Variants in COL12A1 observed in about 807,000 individuals in gnomAD.
The protein encoded by COL12A1 is collagen alpha-1(XII) chain.
COL12A1 carries 114 observed loss-of-function variants against 349.7 expected under a neutral mutation model. That is an observed-to-expected ratio of 0.33 (90% CI 0.28 to 0.38). COL12A1 has a LOEUF of 0.38. COL12A1 is among the 10% of genes least tolerant of loss of function. The pLI, the probability that COL12A1 is intolerant of heterozygous loss-of-function variation, is 1.00. For synonymous variants in COL12A1, 1,369 were observed against 1,329.0 expected (o/e 1.03, Z -0.66); for missense variants, 3,284 against 3,756.9 (o/e 0.87, Z 3.29).
chr6:75,099,647 C>G (rs554527705), intron 58 of COL12A1, among the ~76,000 whole-genome samples: 1 of 152,144 alleles, frequency 6.6e-6, no homozygotes, highest in Non-Finnish European at 1.5e-5. Flanking sequence ...TCATTTTTTG[C>G]TGCAAGCCAC....
In COL12A1 at chr6:75,087,627, C is replaced by T; in HGVS notation, c.9131G>A (p.Cys3044Tyr). Residue 3044 changes from cysteine to tyrosine, a missense_variant, in exon 65 of 66, where the codon TGT becomes TAT. Coordinates refer to ENST00000322507, the MANE Select transcript of COL12A1 (RefSeq NM_004370.6). Reference protein sequence around the residue: ...IRGPPGPPGYCDSSQCASIPY... With the variant: ...IRGPPGPPGYYDSSQCASIPY... The stretch of plus-strand genomic sequence containing the variant: ...GATGCTGGCACACTGAGAAGAATCA[C>T]AGTATCCAGGAGGACCTGGGGGTCC... 6.2e-7 allele frequency: 1 copy of T among 1,613,848 alleles called. No homozygotes were observed. Among genetic ancestry groups the T allele is most frequent in the Non-Finnish European group, 8.5e-7 (1 of 1,179,870 alleles).
chr6:75,133,252 C>T, intron 34 of COL12A1, 41 bp downstream of exon 34: 2 of 1,520,816 alleles, frequency 1.3e-6, no homozygotes, highest in Non-Finnish European at 1.8e-6. Context: ...TGAAAAGCAA[C>T]ACTTATGATG....
intron 34 of COL12A1, among the ~76,000 whole-genome samples, chr6:75,132,612 C>T (rs1766365081): frequency 6.6e-6 from 1 of 152,010 alleles, no homozygotes; most frequent in East Asian, 1.9e-4. Context: ...AATTAACTGC[C>T]CCAATAGGAA....
chr6:75,201,798 A>C (rs570579438), intron 2 of COL12A1, among the ~76,000 whole-genome samples: 2 of 152,342 alleles, frequency 1.3e-5, no homozygotes, highest in South Asian at 2.1e-4. Flanking sequence ...CATCAAGTGC[A>C]CACAACAAAT....
intron 14 of COL12A1, among the ~76,000 whole-genome samples, chr6:75,162,904 TG>T (rs1228395191): frequency 6.6e-6 from 1 of 151,948 alleles, no homozygotes; most frequent in Non-Finnish European, 1.5e-5. Context: ...AACAGACATA[TG>T]AAAAAAAGAT....
intron 14 of COL12A1, among the ~76,000 whole-genome samples, chr6:75,163,837 T>A (rs992398269): frequency 1.3e-4 from 20 of 152,182 alleles, no homozygotes; most frequent in Non-Finnish European, 2.6e-4. Flanking sequence ...CTTGTAGACA[T>A]TTTAAATTCC....
intron 14 of COL12A1, among the ~76,000 whole-genome samples, chr6:75,162,651 A>G (rs896931779): frequency 2.6e-5 from 4 of 152,222 alleles, no homozygotes. Context: ...AAAAGCCAAA[A>G]TAGACAAATG....
At chr6:75,087,079 C>A (rs1767534766) in intron 65 of COL12A1, 1 of 153,588 alleles carries the variant, frequency 6.5e-6, no homozygotes, top group Non-Finnish European at 1.4e-5. Flanking sequence ...ATTAAAAATC[C>A]TTTAAAAACA....
chr6:75,199,623 C>T (rs1249062374), intron 2 of COL12A1, among the ~76,000 whole-genome samples: 1 of 152,142 alleles, frequency 6.6e-6, no homozygotes, highest in Non-Finnish European at 1.5e-5. Flanking sequence ...AAGTTTTCTA[C>T]AGGATAATTA....
In COL12A1 at chr6:75,183,134, C is replaced by G. The variant is rs746160134; in HGVS notation, c.1807G>C (p.Asp603His). The change falls in exon 10 of 66, where the codon GAT (aspartate) becomes CAT (histidine). Residue 603 changes from aspartate to histidine, a missense_variant. By Grantham distance (81) the Asp-to-His change is moderately conservative. Around this residue, in one of 2 missense-constraint regions of COL12A1, gnomAD observed 2,601 missense variants for 2,824.8 expected, o/e 0.92. Transcript: ENST00000322507. ...TCAAAAGATATCCTCTGAAAAGCATCAAAATCTTCCACTGTGAACACATGG... is the reference window on the plus strand; with the variant it reads ...TCAAAAGATATCCTCTGAAAAGCATGAAAATCTTCCACTGTGAACACATGG... ...ETHVFTVEDFDAFQRISFELT... is the reference protein window; with the variant it reads ...ETHVFTVEDFHAFQRISFELT... 1 of 1,614,160 alleles carries G rather than the reference C, an allele frequency of 6.2e-7. No individual in the cohort carries two copies. Among genetic ancestry groups the G allele is most frequent in the Non-Finnish European group, 8.5e-7 (1 of 1,180,038 alleles).
At chr6:75,161,732 G>A (rs1231745347) in intron 14 of COL12A1, among the ~76,000 whole-genome samples, 1 of 152,212 alleles carries the variant, frequency 6.6e-6, no homozygotes, top group East Asian at 1.9e-4. Flanking sequence ...GTTTGCAGAT[G>A]ACAAGATTGT....
chr6:75,147,794 C>T lies in COL12A1; in HGVS notation c.4298G>A (p.Ser1433Asn), dbSNP rs373245794. Residue 1433 changes from serine (S) to asparagine (N), a missense_variant, in exon 23 of 66, where the codon AGT (serine) becomes AAT (asparagine). Ser to Asn is a conservative substitution (Grantham distance 46, BLOSUM62 1). Around this residue, in one of 2 missense-constraint regions of COL12A1, gnomAD observed 2,601 missense variants for 2,824.8 expected, o/e 0.92. Coordinates refer to ENST00000322507, the MANE Select transcript of COL12A1 (RefSeq NM_004370.6). ...SGGKRQEFYV[S>N]RMETSTVLKD... ...CAGCACTGTGCTAGTTTCCATTCGA[C>T]TCACATAAAACTAGGGGGAAAAATT... The T allele has an allele frequency of 6.2e-7, 1 of 1,612,440 alleles. No individual in the cohort carries two copies. Among genetic ancestry groups the T allele is most frequent in the African/African-American group, 1.3e-5 (1 of 74,784 alleles).
rs771206267 is a variant in COL12A1, at chr6:75,181,087, A to T, written c.2016T>A (p.Asp672Glu). ...CTGGCTCCACCACAGTGACCTCATCATCCCCAGCCGCTTCCTTGTAGGTGA... is the reference window on the plus strand; with the variant it reads ...CTGGCTCCACCACAGTGACCTCATCTTCCCCAGCCGCTTCCTTGTAGGTGA... ...YHITYKEAAG[D>E]DEVTVVEPAS... The change falls in exon 11 of 66, where the codon GAT becomes GAA. Residue 672 changes from aspartate to glutamate, a missense_variant. This residue lies in a region of COL12A1 where 2,601 missense variants were observed against 2,824.8 expected (regional missense o/e 0.92). Transcript: ENST00000322507. 1.2e-6 allele frequency: 2 copies of T among 1,614,020 alleles called. No homozygotes were observed. Among genetic ancestry groups the T allele is most frequent in the South Asian group, 2.2e-5 (2 of 91,070 alleles).
intron 15 of COL12A1, among the ~76,000 whole-genome samples, 157 bp from the exon 16 acceptor site, chr6:75,156,011 G>A (rs551317938): frequency 6.6e-6 from 1 of 152,312 alleles, no homozygotes; most frequent in African/African-American, 2.4e-5. Context: ...CAGAGTGCTA[G>A]CTAAGTAGAA....
chr6:75,124,141 T>C, intron 41 of COL12A1, 47 bp from the exon 42 acceptor site: 1 of 1,596,748 alleles, frequency 6.3e-7, no homozygotes, highest in Non-Finnish European at 8.6e-7. Context: ...ACCAATTATA[T>C]TTCAAGAAAA....
intron 36 of COL12A1, 31 bp downstream of exon 36, chr6:75,130,821 G>C (rs1237371476): frequency 1.9e-6 from 3 of 1,613,478 alleles, no homozygotes; most frequent in Non-Finnish European, 2.5e-6. Flanking sequence ...AGCTACAAGG[G>C]AATGGAATGG....
chr6:75,142,638 G>T (rs1582122359), intron 26 of COL12A1, among the ~76,000 whole-genome samples: 1 of 152,312 alleles, frequency 6.6e-6, no homozygotes, highest in Admixed American at 6.5e-5. Flanking sequence ...GTCACTGAGT[G>T]CTTAGAGAAA....
In COL12A1 at chr6:75,177,791, G is replaced by A. The variant is rs773106046; in HGVS notation, c.2309C>T (p.Thr770Ile). The change falls in exon 12 of 66, where the codon ACC becomes ATC. Residue 770 changes from threonine to isoleucine, a missense_variant. Thr to Ile is a moderately conservative substitution (Grantham distance 89). Around this residue, in one of 2 missense-constraint regions of COL12A1, gnomAD observed 2,601 missense variants for 2,824.8 expected, o/e 0.92. Coordinates refer to ENST00000322507, the MANE Select transcript of COL12A1 (RefSeq NM_004370.6). ...VAGGESREVTTPPNQRRRTLE... is the reference protein window; with the variant it reads ...VAGGESREVTIPPNQRRRTLE... ...TGTTCTCCTCCTCTGATTGGGTGGG[G>A]TGGTAACTTCTCTGCTCTCTCCACC... The A allele has an allele frequency of 5.6e-6, 9 of 1,614,100 alleles. No homozygotes were observed. The highest frequency in any genetic ancestry group is 7.6e-6 in the Non-Finnish European group (9 of 1,180,020).
rs759674444 is a variant in COL12A1, at chr6:75,143,387, C to T, written c.4692G>A (p.Leu1564=). 3 of 1,612,512 alleles carry T rather than the reference C, an allele frequency of 1.9e-6. No homozygotes were observed. The highest frequency in any genetic ancestry group is 2.2e-5 in the South Asian group (2 of 90,696). Residue 1564 remains leucine (L), a splice_region_variant and synonymous_variant, in exon 26 of 66, where the codon TTG becomes TTA. Transcript: ENST00000322507. ...TCAGATCCTGAGGTCTGGGTAAAGG[C>T]ACTAGAGAAGCACGAGATATTAAAT... is the stretch of plus-strand genomic sequence containing the variant. ...SEPVTVREVT[L]PLPRPQDLKL...
Sources: allele counts gnomAD v4.1 joint callset (sites outside exome capture counted in the v4.1 genomes callset), GRCh38; gene constraint gnomAD v4.1.1; regional missense constraint gnomAD v4.1.1; transcripts MANE v1.5; gene names NCBI Gene and HGNC (gene_info 2026-07-23, HGNC 2026-07-21).